Variants in GRXCR1 observed in about 807,000 individuals in gnomAD.
The protein encoded by GRXCR1 is glutaredoxin and cysteine rich domain containing 1, also known as glutaredoxin domain-containing cysteine-rich protein 1.
A neutral mutation model predicts 27.3 loss-of-function variants in GRXCR1; 27 were observed. The observed-to-expected ratio is 0.99, with a 90% CI of 0.73 to 1.37. The LOEUF is 1.37. Ranked by LOEUF, GRXCR1 falls within the 40% of genes most tolerant of loss-of-function variation. The pLI, the probability that GRXCR1 is intolerant of heterozygous loss-of-function variation, is 0.00. For missense variants in GRXCR1, 379 were observed against 354.4 expected (o/e 1.07, Z -0.56); for synonymous variants, 122 against 131.1 (o/e 0.93, Z 0.47).
chr4:42,952,067 C>T (rs1276715914), intron 1 of GRXCR1, among the ~76,000 whole-genome samples: 2 of 152,170 alleles, frequency 1.3e-5, no homozygotes, highest in African/African-American at 4.8e-5. Context: ...TTATGCATCT[C>T]TGTTATGCCA....
At position 43,030,617 on chromosome 4, in the gene GRXCR1, G is replaced by C. The variant is rs970164633; in HGVS notation, c.*77G>C. 3.1e-5 allele frequency: 36 copies of C among 1,160,590 alleles called. No individual in the cohort carries two copies. The highest frequency in any genetic ancestry group is 4.5e-5 in the Non-Finnish European group (35 of 786,068). The allele number at this position is 1,160,590 out of a possible 1,614,324, so 71.9% of individuals were successfully genotyped here. On this transcript the variant is annotated 3_prime_UTR_variant, in exon 4 of 4. Transcript: ENST00000399770. ...TTGGTTTATATATATATTTTTAAAT[G>C]GTTATGTTTATGGATTAATCAATAA...
At chr4:42,894,365 G>A (rs1451745566) in intron 1 of GRXCR1, among the ~76,000 whole-genome samples, 2 of 151,258 alleles carry the variant, frequency 1.3e-5, no homozygotes, top group African/African-American at 2.4e-5. Context: ...ATGATCTAAT[G>A]TTAACAAGTT....
At chr4:42,926,301 C>T (rs566981072) in intron 1 of GRXCR1, among the ~76,000 whole-genome samples, 24 of 152,022 alleles carry the variant, frequency 1.6e-4, no homozygotes, top group South Asian at 1.2e-3. Context: ...GAAGTATAAA[C>T]GAGAATGTTA....
chr4:42,925,402 T>A (rs1254974095), intron 1 of GRXCR1, among the ~76,000 whole-genome samples: 1 of 151,966 alleles, frequency 6.6e-6, no homozygotes, highest in African/African-American at 2.4e-5. Flanking sequence ...CACAAGCAAA[T>A]AAGAAGTGAG....
chr4:42,962,959 C>T lies in GRXCR1; in HGVS notation c.452C>T (p.Thr151Ile), dbSNP rs777808246. The change falls in exon 2 of 4, where the codon ACA (threonine) becomes ATA (isoleucine). Residue 151 changes from threonine (T) to isoleucine (I), a missense_variant. Coordinates refer to ENST00000399770, the MANE Select transcript of GRXCR1 (RefSeq NM_001080476.3). ...ACCACCTGCCTTCGTGTGGTCCGGA[C>T]AACCTTTGAAAGATGTGAACTGGTT... The part of the protein sequence containing the change: ...IYTTCLRVVR[T>I]TFERCELVRK... 6.2e-7 allele frequency: 1 copy of T among 1,612,816 alleles called. No individual in the cohort carries two copies. Among genetic ancestry groups the T allele is most frequent in the East Asian group, 2.2e-5 (1 of 44,850 alleles).
intron 2 of GRXCR1, among the ~76,000 whole-genome samples, chr4:42,966,874 A>G (rs958743371): frequency 1.3e-5 from 2 of 151,976 alleles, no homozygotes; most frequent in African/African-American, 2.4e-5. Context: ...TCTTTGGCTC[A>G]TGTTTAAGTC....
intron 2 of GRXCR1, among the ~76,000 whole-genome samples, chr4:42,986,921 C>T (rs1416434076): frequency 6.6e-6 from 1 of 151,462 alleles, no homozygotes; most frequent in Non-Finnish European, 1.5e-5. Context: ...CATTGAGTAC[C>T]TTCTGTGCGA....
At chr4:42,966,345 G>C (rs78133323) in intron 2 of GRXCR1, among the ~76,000 whole-genome samples, 1 of 152,076 alleles carries the variant, frequency 6.6e-6, no homozygotes, top group Non-Finnish European at 1.5e-5. Context: ...ATGAACCTAA[G>C]TGGGGTCTCT....
At chr4:42,930,766 A>G (rs1272613045) in intron 1 of GRXCR1, among the ~76,000 whole-genome samples, 2 of 152,002 alleles carry the variant, frequency 1.3e-5, no homozygotes, top group Non-Finnish European at 2.9e-5. Flanking sequence ...TAGTGATCAG[A>G]TAATACATGT....
intron 2 of GRXCR1, among the ~76,000 whole-genome samples, chr4:43,002,135 A>G (rs1712388289): frequency 1.3e-5 from 2 of 152,270 alleles, no homozygotes; most frequent in South Asian, 2.1e-4. Context: ...AGGGGCAGGC[A>G]GGAGACAGTG....
intron 3 of GRXCR1, among the ~76,000 whole-genome samples, 198 bp from the exon 4 acceptor site, chr4:43,030,163 G>A (rs527683869): frequency 3.3e-5 from 5 of 152,246 alleles, no homozygotes; most frequent in South Asian, 2.1e-4. Flanking sequence ...GGCCATTGGC[G>A]GGGGAATGAA....
At chr4:43,009,472 G>C (rs929842669) in intron 2 of GRXCR1, among the ~76,000 whole-genome samples, 3 of 151,844 alleles carry the variant, frequency 2.0e-5, no homozygotes, top group African/African-American at 7.3e-5. Flanking sequence ...TCTACACATA[G>C]ATCTATATGT....
At chr4:42,969,542 G>T (rs1748332706) in intron 2 of GRXCR1, among the ~76,000 whole-genome samples, 1 of 152,084 alleles carries the variant, frequency 6.6e-6, no homozygotes, top group African/African-American at 2.4e-5. Context: ...TCTTTACAAT[G>T]GTGGAGCACG....
chr4:43,019,214 T>A (rs1256510101), intron 2 of GRXCR1, among the ~76,000 whole-genome samples: 1 of 152,210 alleles, frequency 6.6e-6, no homozygotes, highest in Non-Finnish European at 1.5e-5. Flanking sequence ...CTAGCCTATC[T>A]TTGTTTATTC....
intron 2 of GRXCR1, among the ~76,000 whole-genome samples, chr4:43,000,496 A>AGG (rs1491039161): frequency 1.4e-5 from 2 of 143,848 alleles, no homozygotes; most frequent in Non-Finnish European, 3.1e-5. Context: ...AAAAAAAAAA[A>AGG]AGAAGGCATC....
At chr4:42,950,982 T>C (rs1299772352) in intron 1 of GRXCR1, among the ~76,000 whole-genome samples, 1 of 152,160 alleles carries the variant, frequency 6.6e-6, no homozygotes, top group Non-Finnish European at 1.5e-5. Context: ...TTACATGGTA[T>C]AGGCTCATGG....
intron 1 of GRXCR1, among the ~76,000 whole-genome samples, chr4:42,924,019 C>T (rs1268599225): frequency 6.6e-6 from 1 of 152,080 alleles, no homozygotes; most frequent in Non-Finnish European, 1.5e-5. Flanking sequence ...ACAAATTGCA[C>T]AACTGATTGT....
At chr4:42,940,992 C>A (rs1747605498) in intron 1 of GRXCR1, among the ~76,000 whole-genome samples, 1 of 151,894 alleles carries the variant, frequency 6.6e-6, no homozygotes, top group African/African-American at 2.4e-5. Context: ...ATTGATTAAG[C>A]CTGATTTGCT....
At chr4:42,916,310 A>G (rs1746885145) in intron 1 of GRXCR1, among the ~76,000 whole-genome samples, 2 of 152,104 alleles carry the variant, frequency 1.3e-5, no homozygotes, top group South Asian at 4.1e-4. Flanking sequence ...ATGGTAGTTA[A>G]AGGGAAGTTT....
Sources: allele counts gnomAD v4.1 joint callset (sites outside exome capture counted in the v4.1 genomes callset), GRCh38; gene constraint gnomAD v4.1.1; transcripts MANE v1.5; gene names NCBI Gene and HGNC (gene_info 2026-07-23, HGNC 2026-07-21).